Variants in ANO10 observed in about 807,000 individuals in gnomAD.
ANO10 encodes the protein anoctamin-10.
Under a neutral mutation model 74.7 loss-of-function variants are expected in ANO10, and 77 were observed. The ratio of observed to expected loss-of-function variants is 1.03; its 90% CI spans 0.86 to 1.25. The LOEUF (loss-of-function observed/expected upper bound fraction) is 1.25, where lower values mean the gene tolerates loss of function less well. Ranked by LOEUF, ANO10 falls within the 50% of genes most tolerant of loss-of-function variation. The pLI is 0.00. For missense variants in ANO10, 721 were observed against 778.1 expected, an observed-to-expected ratio of 0.93 and a Z score of 0.87; for synonymous variants, 279 against 284.9, an observed-to-expected ratio of 0.98 and a Z score of 0.21.
intron 1 of ANO10, among the ~76,000 whole-genome samples, chr3:43,683,153 A>G (rs1303816032): frequency 6.6e-6 from 1 of 152,248 alleles, no homozygotes; most frequent in East Asian, 1.9e-4. Context: ...CCCTGTTTGC[A>G]GATGACATGA....
At chr3:43,657,387 A>G (rs1411642416) in intron 1 of ANO10, among the ~76,000 whole-genome samples, 5 of 152,236 alleles carry the variant, frequency 3.3e-5, no homozygotes, top group African/African-American at 9.6e-5. Context: ...ATGTTGTAGG[A>G]GTACGCAGTG....
intron 5 of ANO10, among the ~76,000 whole-genome samples, chr3:43,579,920 C>T (rs997550724): frequency 1.3e-5 from 2 of 151,806 alleles, no homozygotes; most frequent in Non-Finnish European, 2.9e-5. Context: ...TTTGGGAGCC[C>T]AAGGCACAAG....
intron 12 of ANO10, among the ~76,000 whole-genome samples, chr3:43,368,517 G>A (rs1255808837): frequency 1.3e-5 from 2 of 152,102 alleles, no homozygotes. Flanking sequence ...AGAGTTTTTT[G>A]CATCTGCTAC....
intron 11 of ANO10, among the ~76,000 whole-genome samples, chr3:43,542,323 C>T (rs962274138): frequency 3.3e-5 from 5 of 151,966 alleles, no homozygotes; most frequent in African/African-American, 9.7e-5. Flanking sequence ...TAGGCTGAGG[C>T]GTGGAAGTAA....
intron 12 of ANO10, among the ~76,000 whole-genome samples, chr3:43,392,582 C>A (rs2092298181): frequency 2.0e-5 from 3 of 152,206 alleles, no homozygotes; most frequent in Admixed American, 1.3e-4. Context: ...ACCATTGCTG[C>A]TCACACACGT....
intron 11 of ANO10, among the ~76,000 whole-genome samples, chr3:43,445,047 C>T (rs529886477): frequency 1.2e-4 from 18 of 144,846 alleles, no homozygotes; most frequent in Non-Finnish European, 2.1e-4. Flanking sequence ...GGCATGAACC[C>T]GGGAGGAGGA....
At chr3:43,516,884 G>C (rs944326184) in intron 11 of ANO10, among the ~76,000 whole-genome samples, 6 of 152,190 alleles carry the variant, frequency 3.9e-5, no homozygotes, top group Non-Finnish European at 8.8e-5. Context: ...AAGCACAGGG[G>C]TAGGGCTCCA....
chr3:43,415,789 G>T (rs927357560), intron 12 of ANO10, among the ~76,000 whole-genome samples: 7 of 151,998 alleles, frequency 4.6e-5, no homozygotes, highest in Admixed American at 4.6e-4. Context: ...TGATCCACCC[G>T]CCTCGGCCTC....
At chr3:43,519,055 A>G (rs1301583138) in intron 11 of ANO10, among the ~76,000 whole-genome samples, 2 of 152,192 alleles carry the variant, frequency 1.3e-5, no homozygotes, top group African/African-American at 4.8e-5. Flanking sequence ...ACCTGCTGAC[A>G]TGTGATGTCT....
intron 12 of ANO10, among the ~76,000 whole-genome samples, chr3:43,429,030 T>C (rs1415918506): frequency 1.3e-5 from 2 of 152,120 alleles, no homozygotes; most frequent in Non-Finnish European, 2.9e-5. Context: ...AAATTTGGAA[T>C]TAGAGCTTTG....
At chr3:43,520,062 A>C (rs1404749618) in intron 11 of ANO10, among the ~76,000 whole-genome samples, 1 of 152,090 alleles carries the variant, frequency 6.6e-6, no homozygotes, top group Non-Finnish European at 1.5e-5. Context: ...CCAGCTTCCC[A>C]GTGACCATAT....
chr3:43,612,729 T>G (rs1458956063), intron 1 of ANO10, among the ~76,000 whole-genome samples: 1 of 152,226 alleles, frequency 6.6e-6, no homozygotes, highest in Non-Finnish European at 1.5e-5. Flanking sequence ...ATCTTTCTTT[T>G]CTTCAGTAGA....
intron 10 of ANO10, 58 bp from the exon 11 acceptor site, chr3:43,549,906 T>C: frequency 6.3e-7 from 1 of 1,582,452 alleles, no homozygotes; most frequent in Non-Finnish European, 8.7e-7. Flanking sequence ...TATTTCCTCA[T>C]CCTTTTTCAT....
intron 1 of ANO10, among the ~76,000 whole-genome samples, chr3:43,649,999 C>T (rs560972678): frequency 1.4e-4 from 21 of 151,890 alleles, no homozygotes; most frequent in Admixed American, 1.3e-3. Flanking sequence ...CTTGCTGTCC[C>T]ATGTACGGCG....
At chr3:43,418,644 C>A (rs899620199) in intron 12 of ANO10, among the ~76,000 whole-genome samples, 2 of 152,218 alleles carry the variant, frequency 1.3e-5, no homozygotes, top group African/African-American at 4.8e-5. Context: ...TTATCTATTA[C>A]TGCGTAACAA....
At chr3:43,622,504 G>A (rs1453417558), upstream of ANO10, among the ~76,000 whole-genome samples, 3 of 152,214 alleles carry the variant, frequency 2.0e-5, no homozygotes, top group Non-Finnish European at 4.4e-5. Context: ...TCAGGTATAA[G>A]AACAAGTCTC....
At chr3:43,565,759 T>TTA in intron 7 of ANO10, 32 bp from the exon 8 acceptor site, 1 of 1,523,798 alleles carries the variant, frequency 6.6e-7, no homozygotes. Flanking sequence ...AAGATAAGTG[T>TTA]TAAGCACTGC....
chr3:43,377,507 T>C (rs2091841563), intron 12 of ANO10, among the ~76,000 whole-genome samples: 1 of 152,162 alleles, frequency 6.6e-6, no homozygotes, highest in Non-Finnish European at 1.5e-5. Flanking sequence ...GGCGGCAGCA[T>C]TGTTCTTTCA....
chr3:43,639,679 G>A (rs1365472833), intron 1 of ANO10, among the ~76,000 whole-genome samples: 1 of 151,942 alleles, frequency 6.6e-6, no homozygotes, highest in Non-Finnish European at 1.5e-5. Flanking sequence ...AGGAGGCTGA[G>A]GCAGGAGAAT....
Sources: gnomAD v4.1 joint callset for allele counts (sites outside exome capture counted in the v4.1 genomes callset) on GRCh38, gnomAD v4.1.1 for gene constraint, MANE v1.5 for transcripts, NCBI Gene and HGNC (gene_info 2026-07-23, HGNC 2026-07-21) for gene names.